The following USP37 variants were observed in gnomAD, a reference collection of about 807,000 sequenced individuals.
The protein encoded by USP37 is ubiquitin specific peptidase 37.
USP37 carries 27 observed loss-of-function variants against 124.0 expected under a neutral mutation model. The observed-to-expected ratio is 0.22, with a 90% confidence interval of 0.16 to 0.30. USP37 has a LOEUF of 0.30. Among genes scored for constraint, USP37 ranks in the 10% least tolerant of loss-of-function variants. The pLI is 1.00. For missense variants in USP37, 889 were observed against 1,140.4 expected (o/e 0.78, Z 3.17); for synonymous variants, 365 against 388.0 (o/e 0.94, Z 0.70).
rs1349728154 is a variant in USP37 at position 218,456,280 on chromosome 2, C to A, written c.2714-562G>T. Among the ~76,000 whole-genome samples, 4 of 151,868 alleles carry A rather than the reference C, an allele frequency of 2.6e-5. No individual in the cohort carries two copies. The East Asian group carries it at 7.8e-4, about 30-fold the overall frequency. On this transcript the variant is annotated intron_variant, in intron 24 of 25. Coordinates refer to ENST00000258399, the MANE Select transcript of USP37 (RefSeq NM_020935.3). ...CTTGGGCAACAAAGCAAGAACCCGT[C>A]CATACAAAAAATTTAAAAAAATTAG...
In USP37 at chr2:218,452,361, G is replaced by A. The variant is rs893638655; in HGVS notation, c.*2569C>T. On this transcript the variant is annotated 3_prime_UTR_variant, in exon 26 of 26. Coordinates refer to ENST00000258399, the MANE Select transcript of USP37 (RefSeq NM_020935.3). ...CAATTCTGGGCAAACTGATCACAAT[G>A]TGCAAAAAATAATATATTATCTATT... 1 of 152,072 alleles carries A rather than the reference G, an allele frequency of 6.6e-6. No homozygotes were observed. Among genetic ancestry groups the A allele is most frequent in the Non-Finnish European group, 1.5e-5 (1 of 67,996 alleles). 9.4% of individuals were successfully genotyped at this position (152,072 alleles called of 1,614,324 possible).
chr2:218,528,772 G>A (rs1253473938), intron 10 of USP37: 16 of 193,428 alleles, frequency 8.3e-5, no homozygotes, highest in Non-Finnish European at 1.5e-4. Flanking sequence ...GTGCTTAGCA[G>A]GTATCTTATG....
intron 23 of USP37, among the ~76,000 whole-genome samples, chr2:218,458,039 CAAAA>C (rs34696201): frequency 2.2e-5 from 2 of 90,202 alleles, no homozygotes; most frequent in African/African-American, 4.4e-5. Context: ...GACTCTGTCT[CAAAA>C]AAAAAAAAAA....
intron 20 of USP37, among the ~76,000 whole-genome samples, chr2:218,467,442 G>GT (rs1264050658): frequency 6.6e-6 from 1 of 151,864 alleles, no homozygotes; most frequent in Non-Finnish European, 1.5e-5. Flanking sequence ...TTTGCCTCTA[G>GT]GGTTCCAGCG....
chr2:218,480,414 A>AT, intron 17 of USP37, among the ~76,000 whole-genome samples: 1 of 151,058 alleles, frequency 6.6e-6, no homozygotes. Context: ...AAAAAAAAAA[A>AT]AAAAAAAAAA....
intron 8 of USP37, among the ~76,000 whole-genome samples, chr2:218,535,817 T>C (rs2106030962): frequency 6.6e-6 from 1 of 150,688 alleles, no homozygotes; most frequent in African/African-American, 2.4e-5. Flanking sequence ...ATCGCGCCAC[T>C]GCACTCCAGC....
chr2:218,563,471 T>C (rs1693423676), intron 1 of USP37, among the ~76,000 whole-genome samples: 1 of 152,204 alleles, frequency 6.6e-6, no homozygotes, highest in Non-Finnish European at 1.5e-5. Context: ...TAATAATGTC[T>C]TAAGTCTTAA....
intron 11 of USP37, among the ~76,000 whole-genome samples, chr2:218,505,100 G>A (rs1040263099): frequency 6.6e-5 from 10 of 151,592 alleles, no homozygotes; most frequent in Admixed American, 2.0e-4. Flanking sequence ...CCGTGGCCTC[G>A]ACCTCCCAGG....
chr2:218,546,940 C>G lies in USP37; in HGVS notation c.581G>C (p.Arg194Thr). The G allele has an allele frequency of 6.2e-7, 1 of 1,611,990 alleles. No individual in the cohort carries two copies. Among genetic ancestry groups the G allele is most frequent in the Non-Finnish European group, 8.5e-7 (1 of 1,179,498 alleles). Residue 194 changes from arginine (R) to threonine (T), a missense_variant, in exon 7 of 26, where the codon AGA (arginine) becomes ACA (threonine). Arg to Thr is a moderately conservative substitution (Grantham distance 71). Transcript: ENST00000258399. ...PSLTSTSTPL[R>T]SGLLENRTEK... is the part of the protein sequence containing the mutation. The stretch of plus-strand genomic sequence containing the variant: ...CTACCGATTTTCTAGCAACCCTGAT[C>G]TAAGAGGTGTTGAAGTAGATGTCAA...
chr2:218,454,659 G>T lies in USP37; in HGVS notation c.*271C>A. 1 of 449,486 alleles carries T rather than the reference G, an allele frequency of 2.2e-6. No homozygotes were observed. The allele number at this position is 449,486 out of a possible 1,614,324, so 27.8% of individuals were successfully genotyped here. A position where few individuals can be genotyped will look rare whatever the true frequency, so the allele number is the denominator to read the frequency against. On this transcript the variant is annotated 3_prime_UTR_variant, in exon 26 of 26. Transcript: ENST00000258399. ...GTGTGTGTGTATACACACATACACA[G>T]ATATATATTTACAACATGTATTCCT... is the stretch of plus-strand genomic sequence containing the variant.
chr2:218,495,613 G>C, intron 14 of USP37, 147 bp downstream of exon 14: 1 of 776,074 alleles, frequency 1.3e-6, no homozygotes, highest in African/African-American at 1.8e-5. Context: ...CTGGGGTTGT[G>C]CCACTGCACC....
intron 14 of USP37, among the ~76,000 whole-genome samples, chr2:218,492,404 T>TG (rs1216090028): frequency 6.6e-6 from 1 of 151,804 alleles, no homozygotes; most frequent in African/African-American, 2.4e-5. Context: ...TTAAGAGAGA[T>TG]GGGGGTAGGA....
rs1031406269 is a variant in USP37 at position 218,480,898 on chromosome 2, C to T, written c.1835+1172G>A. ...ACCAGAAACACTTAGACTCTCTGGG[C>T]ACATGCCTTTATTAGTAGACCCTTG... On this transcript the variant is annotated intron_variant, in intron 17 of 25. Transcript: ENST00000258399. Among the ~76,000 whole-genome samples the T allele has an allele frequency of 2.0e-5, 3 of 152,336 alleles. No homozygotes were observed. In the East Asian group the frequency reaches 5.8e-4, roughly 29 times the overall value.
intron 3 of USP37, 100 bp from the exon 4 acceptor site, chr2:218,558,777 C>T (rs1319373661): frequency 1.1e-6 from 1 of 904,840 alleles, no homozygotes; most frequent in Non-Finnish European, 1.7e-6. Flanking sequence ...AACCACCATG[C>T]ATTTCTTCTG....
chr2:218,468,727 T>G (rs1690507353), intron 20 of USP37, among the ~76,000 whole-genome samples: 1 of 152,038 alleles, frequency 6.6e-6, no homozygotes, highest in African/African-American at 2.4e-5. Flanking sequence ...CGACTCTCAC[T>G]CTGTTGGCCA....
chr2:218,482,306 C>A, intron 16 of USP37, 72 bp from the exon 17 acceptor site: 3 of 1,505,782 alleles, frequency 2.0e-6, no homozygotes, highest in South Asian at 2.7e-5. Context: ...TAAAAGAGAT[C>A]ACTCTATGTT....
chr2:218,453,967 T>C lies in USP37; in HGVS notation c.*963A>G, dbSNP rs925658042. The C allele has an allele frequency of 6.6e-6, 1 of 152,196 alleles. No homozygotes were observed. The highest frequency in any genetic ancestry group is 1.5e-5 in the Non-Finnish European group (1 of 68,032). 9.4% of individuals were successfully genotyped at this position (152,196 alleles called of 1,614,324 possible). A position where few individuals can be genotyped will look rare whatever the true frequency, so the allele number is the denominator to read the frequency against. On this transcript the variant is annotated 3_prime_UTR_variant, in exon 26 of 26. Transcript: ENST00000258399. ...TGAGAGACAGAGATGCTAGCATTCT[T>C]CCTTATCCCTAAGTATTCCTGCTGG...
At chr2:218,540,668 T>G (rs528175598) in intron 8 of USP37, among the ~76,000 whole-genome samples, 1 of 152,280 alleles carries the variant, frequency 6.6e-6, no homozygotes, top group Admixed American at 6.5e-5. Flanking sequence ...ATGAATTATT[T>G]ATTTCTGGAA....
chr2:218,515,396 A>G (rs1690221516), intron 10 of USP37, among the ~76,000 whole-genome samples: 1 of 152,146 alleles, frequency 6.6e-6, no homozygotes, highest in Non-Finnish European at 1.5e-5. Flanking sequence ...AACACCACAC[A>G]TCTACAGCCA....
Sources: allele counts gnomAD v4.1 joint callset (sites outside exome capture counted in the v4.1 genomes callset), GRCh38; gene constraint gnomAD v4.1.1; transcripts MANE v1.5; gene names NCBI Gene and HGNC (gene_info 2026-07-23, HGNC 2026-07-21).